GALNT17: variants seen among roughly 807,000 people sequenced by gnomAD.
GALNT17 encodes the protein UDP-GalNAc:polypeptide N-acetylgalactosaminyltransferase-like 3.
A neutral mutation model predicts 63.7 loss-of-function variants in GALNT17; 29 were observed. The ratio of observed to expected loss-of-function variants is 0.46; its 90% CI spans 0.34 to 0.62. The LOEUF is 0.62. GALNT17 is among the 20% of genes least tolerant of loss of function. The pLI is 0.01. For synonymous variants in GALNT17, 305 were observed against 318.3 expected (o/e 0.96, Z 0.45); for missense variants, 603 against 799.6 (o/e 0.75, Z 2.97).
intron 1 of GALNT17, among the ~76,000 whole-genome samples, chr7:71,145,478 A>C (rs1055266083): frequency 3.9e-5 from 6 of 152,094 alleles, no homozygotes; most frequent in Non-Finnish European, 7.4e-5. Flanking sequence ...AGCCTGGGTG[A>C]CAGAGTGAGA....
chr7:71,160,550 C>T (rs1788323352), intron 1 of GALNT17, among the ~76,000 whole-genome samples: 1 of 152,158 alleles, frequency 6.6e-6, no homozygotes, highest in African/African-American at 2.4e-5. Flanking sequence ...ACTCTGCCTC[C>T]TGGGTTCAAG....
intron 1 of GALNT17, among the ~76,000 whole-genome samples, chr7:71,275,062 A>G (rs556644771): frequency 1.8e-4 from 27 of 152,146 alleles, no homozygotes; most frequent in Middle Eastern, 3.4e-3. Context: ...GAACAAATCT[A>G]CTGAGTGGTT....
intron 6 of GALNT17, among the ~76,000 whole-genome samples, chr7:71,599,829 G>A (rs1024480383): frequency 1.2e-4 from 19 of 152,026 alleles, no homozygotes; most frequent in Admixed American, 3.9e-4. Flanking sequence ...ACAAATATGC[G>A]ATAATAATTG....
chr7:71,689,478 C>T, intron 9 of GALNT17, among the ~76,000 whole-genome samples: 1 of 152,188 alleles, frequency 6.6e-6, no homozygotes, highest in African/African-American at 2.4e-5. Flanking sequence ...CACAACATTC[C>T]CTTAAGCCAA....
At chr7:71,552,088 A>G (rs1019540968) in intron 5 of GALNT17, among the ~76,000 whole-genome samples, 5 of 151,906 alleles carry the variant, frequency 3.3e-5, no homozygotes, top group Non-Finnish European at 7.4e-5. Flanking sequence ...TTTGTCACCC[A>G]GGCTGGAGTA....
intron 1 of GALNT17, among the ~76,000 whole-genome samples, chr7:71,172,147 A>C (rs1397125401): frequency 6.6e-6 from 1 of 152,088 alleles, no homozygotes; most frequent in East Asian, 1.9e-4. Context: ...TGAGAAGGAG[A>C]AGTTAAGGTG....
intron 9 of GALNT17, among the ~76,000 whole-genome samples, chr7:71,699,049 G>A (rs961842115): frequency 1.8e-4 from 27 of 151,530 alleles, no homozygotes; most frequent in African/African-American, 6.3e-4. Context: ...GCGTGTGCCT[G>A]TAATCCCACC....
chr7:71,591,372 A>C (rs1383245709), intron 6 of GALNT17, among the ~76,000 whole-genome samples: 1 of 151,902 alleles, frequency 6.6e-6, no homozygotes, highest in Non-Finnish European at 1.5e-5. Context: ...GGCCTGTTGA[A>C]TATCAAATCA....
chr7:71,521,058 T>A (rs888237404), intron 5 of GALNT17, among the ~76,000 whole-genome samples: 1 of 152,226 alleles, frequency 6.6e-6, no homozygotes, highest in African/African-American at 2.4e-5. Flanking sequence ...AGATGCCATG[T>A]GGGTCCTGGG....
chr7:71,182,606 G>A (rs553051128), intron 1 of GALNT17, among the ~76,000 whole-genome samples: 9 of 152,202 alleles, frequency 5.9e-5, no homozygotes, highest in African/African-American at 1.9e-4. Flanking sequence ...GGAGCTCAGA[G>A]TCTTGTTTCT....
At chr7:71,693,322 G>T in intron 9 of GALNT17, among the ~76,000 whole-genome samples, 1 of 77,108 alleles carries the variant, frequency 1.3e-5, no homozygotes, top group Admixed American at 1.4e-4. Flanking sequence ...ATATATATAT[G>T]GAGACAAGAC....
At chr7:71,537,935 C>T (rs1243732391) in intron 5 of GALNT17, among the ~76,000 whole-genome samples, 3 of 152,092 alleles carry the variant, frequency 2.0e-5, no homozygotes, top group Non-Finnish European at 4.4e-5. Flanking sequence ...ATTCCTGTGG[C>T]CACCAGAGAC....
At chr7:71,501,112 C>T (rs60089847) in intron 5 of GALNT17, among the ~76,000 whole-genome samples, 18,065 of 151,240 alleles carry the variant, frequency 0.12, 1,411 homozygotes, top group East Asian at 0.26. Flanking sequence ...TGGGATTACA[C>T]GCGCTACCAC....
intron 5 of GALNT17, among the ~76,000 whole-genome samples, chr7:71,565,439 C>A (rs1278954100): frequency 6.6e-6 from 1 of 152,022 alleles, no homozygotes; most frequent in Admixed American, 6.6e-5. Context: ...CTCCCCTTCT[C>A]TACTGTCCTC....
intron 1 of GALNT17, among the ~76,000 whole-genome samples, chr7:71,291,410 A>T (rs1790977323): frequency 1.3e-5 from 2 of 152,114 alleles, no homozygotes; most frequent in Admixed American, 1.3e-4. Flanking sequence ...CCCACGTTTT[A>T]CTGGGGTTGT....
chr7:71,347,879 T>C (rs765447484), intron 2 of GALNT17, among the ~76,000 whole-genome samples: 1 of 152,140 alleles, frequency 6.6e-6, no homozygotes, highest in East Asian at 1.9e-4. Context: ...TCCATAGTAG[T>C]CAGACCAGAA....
Position 71,712,751 on chromosome 7 carries a change from T to G in GALNT17, c.*605T>G, listed in dbSNP as rs1791814862. ...AGCTCTGGACTTTTCTGGCCCCTCC[T>G]GAGATGACCTGATGGAGCTGATGCT... On this transcript the variant is annotated 3_prime_UTR_variant, in exon 11 of 11. Transcript: ENST00000333538. The G allele has an allele frequency of 1.3e-5, 2 of 153,110 alleles. No individual in the cohort carries two copies. Among genetic ancestry groups the G allele is most frequent in the Non-Finnish European group, 1.5e-5 (1 of 68,794 alleles). 9.5% of individuals were successfully genotyped at this position (153,110 alleles called of 1,614,324 possible). A position where few individuals can be genotyped will look rare whatever the true frequency, so the allele number is the denominator to read the frequency against.
rs188384517 is a variant in GALNT17 at position 71,690,093 on chromosome 7, C to T, written c.1500+12787C>T. ...AGGCTGGAGTGCAGTGGCGCAATCT[C>T]GGCTCACTGCAATCTCCGACTCCTG... On this transcript the variant is annotated intron_variant, in intron 9 of 10. Transcript: ENST00000333538. Among the ~76,000 whole-genome samples the T allele has an allele frequency of 3.2e-3, 484 of 150,356 alleles. 4 individuals are homozygous for T. Among genetic ancestry groups the T allele is most frequent in the African/African-American group, 0.011 (448 of 40,834 alleles).
intron 2 of GALNT17, among the ~76,000 whole-genome samples, chr7:71,354,239 T>A (rs1189775030): frequency 6.6e-6 from 1 of 152,208 alleles, no homozygotes; most frequent in East Asian, 1.9e-4. Flanking sequence ...TAGTCAATTA[T>A]GTTTCCTAAT....
Sources: gnomAD v4.1 joint callset for allele counts (sites outside exome capture counted in the v4.1 genomes callset) on GRCh38, gnomAD v4.1.1 for gene constraint, MANE v1.5 for transcripts, NCBI Gene and HGNC (gene_info 2026-07-23, HGNC 2026-07-21) for gene names.